KCNK2: variants seen among roughly 807,000 people sequenced by gnomAD.
KCNK2 encodes the protein potassium two pore domain channel subfamily K member 2.
KCNK2 carries 21 observed loss-of-function variants against 40.5 expected under a neutral mutation model. The observed-to-expected ratio is 0.52, with a 90% CI of 0.37 to 0.75. KCNK2 has a LOEUF of 0.75. Among genes scored for constraint, KCNK2 ranks in the 30% least tolerant of loss-of-function variants. The pLI is 0.00. For synonymous variants in KCNK2, 191 were observed against 202.2 expected (o/e 0.94, Z 0.47); for missense variants, 399 against 531.6 (o/e 0.75, Z 2.45).
At chr1:215,190,238 G>A (rs1264385010) in intron 5 of KCNK2, among the ~76,000 whole-genome samples, 1 of 152,150 alleles carries the variant, frequency 6.6e-6, no homozygotes, top group Non-Finnish European at 1.5e-5. Context: ...GAACGCTGGA[G>A]AGAGGACAGA....
At chr1:215,140,004 T>C (rs572560828) in intron 3 of KCNK2, among the ~76,000 whole-genome samples, 21 of 152,342 alleles carry the variant, frequency 1.4e-4, no homozygotes, top group Non-Finnish European at 2.6e-4. Context: ...CCATAATCAC[T>C]GATTTTTAGA....
At chr1:215,046,748 A>G (rs1657785883) in intron 1 of KCNK2, among the ~76,000 whole-genome samples, 1 of 152,144 alleles carries the variant, frequency 6.6e-6, no homozygotes, top group African/African-American at 2.4e-5. Context: ...AAAAAATTAC[A>G]TCAAAAGATA....
chr1:215,102,966 T>C (rs1429802050), intron 2 of KCNK2, among the ~76,000 whole-genome samples: 2 of 152,114 alleles, frequency 1.3e-5, no homozygotes, highest in African/African-American at 4.8e-5. Context: ...GTGACAGTCA[T>C]GCAGTGGCCT....
chr1:215,128,056 G>A (rs1338144911), intron 3 of KCNK2, among the ~76,000 whole-genome samples: 2 of 152,182 alleles, frequency 1.3e-5, no homozygotes, highest in Non-Finnish European at 2.9e-5. Flanking sequence ...ACAATACAGT[G>A]TGCCAAGAGT....
chr1:215,075,019 T>C (rs1046424275), intron 1 of KCNK2, among the ~76,000 whole-genome samples: 11 of 152,226 alleles, frequency 7.2e-5, no homozygotes, highest in Non-Finnish European at 1.5e-4. Flanking sequence ...AAGTTAAATA[T>C]GAATGTTATC....
In KCNK2 at chr1:215,086,402, C is replaced by T. The variant is rs996516936; in HGVS notation, c.81C>T (p.Ala27=). 6.2e-6 allele frequency: 10 copies of T among 1,613,966 alleles called. No homozygotes were observed. The highest frequency in any genetic ancestry group is 2.7e-5 in the African/African-American group (2 of 74,896). ...CTGACTTGCTGGATCCTAAATCTGC[C>T]GCTCAGAACTCCAAACCGAGGCTCT... ...AAPDLLDPKS[A]AQNSKPRLSF... Residue 27 remains alanine (A), a synonymous_variant, in exon 2 of 7, where the codon GCC becomes GCT. Coordinates refer to ENST00000444842, the MANE Select transcript of KCNK2 (RefSeq NM_001017425.3).
chr1:215,149,275 T>G (rs1258922127), intron 3 of KCNK2, among the ~76,000 whole-genome samples: 2 of 151,852 alleles, frequency 1.3e-5, no homozygotes, highest in African/African-American at 4.8e-5. Context: ...TGAGGATGAG[T>G]GAGATTCAGG....
intron 2 of KCNK2, among the ~76,000 whole-genome samples, chr1:215,092,169 G>A (rs1335300595): frequency 2.0e-5 from 3 of 152,064 alleles, no homozygotes; most frequent in African/African-American, 7.2e-5. Context: ...TGTGAGATAC[G>A]ATCAGATTCT....
intron 1 of KCNK2, among the ~76,000 whole-genome samples, chr1:215,007,177 GTGTGTGGGTATA>G (rs1435760857): frequency 1.2e-5 from 1 of 81,168 alleles, no homozygotes; most frequent in Non-Finnish European, 2.1e-5. Flanking sequence ...ATATATGTAT[GTGTGTGGGTATA>G]TATATATATA....
In KCNK2 at chr1:215,034,015, A is replaced by G. The variant is rs563564418; in HGVS notation, c.34+28060A>G. On this transcript the variant is annotated intron_variant, in intron 1 of 6. Transcript: ENST00000391895. The stretch of plus-strand genomic sequence containing the variant: ...TCAATTACATTTCAGGTTTCCCTAC[A>G]TAGTTTCCTTGGTGGTTTCTGCTCC... Among the ~76,000 whole-genome samples, 20 of 152,134 alleles carry G rather than the reference A, an allele frequency of 1.3e-4. 1 individual carries two copies. The highest frequency in any genetic ancestry group is 9.2e-4 in the Admixed American group (14 of 15,268).
intron 1 of KCNK2, among the ~76,000 whole-genome samples, chr1:215,030,540 T>C (rs976403449): frequency 6.7e-6 from 1 of 148,704 alleles, no homozygotes; most frequent in Non-Finnish European, 1.5e-5. Flanking sequence ...ATGTTACCTA[T>C]CTTTTTTTTT....
chr1:215,059,810 G>T (rs944756168), intron 1 of KCNK2, among the ~76,000 whole-genome samples: 1 of 152,330 alleles, frequency 6.6e-6, no homozygotes, highest in South Asian at 2.1e-4. Flanking sequence ...ATCCAGAAAT[G>T]CATCCTCTTC....
rs1343222454 is a variant in KCNK2, at chr1:215,210,053, TAC to T, written c.963+14968_963+14969del. Reference sequence around the variant, plus strand: ...ATATATAATATATATAATATATATATACACACACTATACAAATACACTATAGA... The same window carrying T: ...ATATATAATATATATAATATATATATACACACTATACAAATACACTATAGA... On this transcript the variant is annotated intron_variant, in intron 6 of 6. Transcript: ENST00000444842. Among the ~76,000 whole-genome samples the T allele has an allele frequency of 4.1e-4, 48 of 117,582 alleles. 1 individual carries two copies. The highest frequency in any genetic ancestry group is 4.3e-3 in the Middle Eastern group (1 of 232). The allele number at this position is 117,582 out of a possible 152,430, so 77.1% of individuals were successfully genotyped here.
At chr1:215,228,397 G>A (rs996809611) in intron 6 of KCNK2, among the ~76,000 whole-genome samples, 2 of 152,208 alleles carry the variant, frequency 1.3e-5, no homozygotes, top group African/African-American at 4.8e-5. Flanking sequence ...GATGAGAACA[G>A]TTCCAGTAGA....
chr1:215,142,189 G>C (rs958151383), intron 3 of KCNK2, among the ~76,000 whole-genome samples: 2 of 151,338 alleles, frequency 1.3e-5, no homozygotes, highest in African/African-American at 4.9e-5. Flanking sequence ...TCCTAATTTT[G>C]TCTTTAAATC....
At chr1:215,058,831 T>C (rs1318936137) in intron 1 of KCNK2, among the ~76,000 whole-genome samples, 1 of 152,132 alleles carries the variant, frequency 6.6e-6, no homozygotes, top group Non-Finnish European at 1.5e-5. Context: ...TTTGAATGCC[T>C]GTTTCTTTTC....
At position 215,210,010 on chromosome 1, in the gene KCNK2, TA is replaced by T. The variant is rs1339133904; in HGVS notation, c.963+14920del. Among the ~76,000 whole-genome samples, 29 of 25,834 alleles carry T rather than the reference TA, an allele frequency of 1.1e-3. No individual in the cohort carries two copies. In the South Asian group the frequency reaches 0.062, roughly 55 times the overall value. 16.9% of individuals were successfully genotyped at this position (25,834 alleles called of 152,430 possible). On this transcript the variant is annotated intron_variant, in intron 6 of 6. Transcript: ENST00000444842. ...TATAATATATAATATATATTATATA[TA>T]ATATATAATATATATTATATATAAT...
chr1:215,157,344 C>T (rs1347126074), intron 3 of KCNK2, among the ~76,000 whole-genome samples: 3 of 152,132 alleles, frequency 2.0e-5, no homozygotes, highest in Admixed American at 1.3e-4. Context: ...TTAGAGCCCC[C>T]CAAACAGCTG....
chr1:215,037,133 A>G (rs1223686390), intron 1 of KCNK2, among the ~76,000 whole-genome samples: 1 of 151,282 alleles, frequency 6.6e-6, no homozygotes, highest in African/African-American at 2.4e-5. Flanking sequence ...TTTCATTATT[A>G]AATGTGCTAC....
Sources: allele counts gnomAD v4.1 joint callset (sites outside exome capture counted in the v4.1 genomes callset), GRCh38; gene constraint gnomAD v4.1.1; transcripts MANE v1.5; gene names NCBI Gene and HGNC (gene_info 2026-07-23, HGNC 2026-07-21).